The following TNRC6B variants were observed in gnomAD, a reference collection of about 807,000 sequenced individuals.
The protein encoded by TNRC6B is trinucleotide repeat containing adaptor 6B.
In TNRC6B, 52 loss-of-function variants were observed where a neutral mutation model predicts 203.6. That is an observed-to-expected ratio of 0.26 (90% CI 0.20 to 0.32). The LOEUF is 0.32. TNRC6B is among the 10% of genes least tolerant of loss of function. The pLI is 1.00. For synonymous variants in TNRC6B, 838 were observed against 845.7 expected, an observed-to-expected ratio of 0.99 and a Z score of 0.16; for missense variants, 1,923 against 2,286.2, an observed-to-expected ratio of 0.84 and a Z score of 3.24.
intron 1 of TNRC6B, among the ~76,000 whole-genome samples, chr22:40,052,172 AAGGGG>A (rs2067752065): frequency 6.6e-6 from 1 of 152,210 alleles, no homozygotes; most frequent in Non-Finnish European, 1.5e-5. Flanking sequence ...CCCAAGATCA[AAGGGG>A]GACCCTAAGA....
intron 1 of TNRC6B, among the ~76,000 whole-genome samples, chr22:40,231,696 C>T (rs551309527): frequency 6.6e-6 from 1 of 152,024 alleles, no homozygotes; most frequent in Non-Finnish European, 1.5e-5. Context: ...TATAGGGAAT[C>T]GAAGGTTCAC....
At chr22:40,061,982 G>A (rs1469222141) in intron 1 of TNRC6B, among the ~76,000 whole-genome samples, 1 of 152,072 alleles carries the variant, frequency 6.6e-6, no homozygotes, top group Non-Finnish European at 1.5e-5. Context: ...GCTGAGGCAG[G>A]AGAATCGCTT....
chr22:40,081,513 G>A (rs961564500), intron 1 of TNRC6B, among the ~76,000 whole-genome samples: 2 of 152,044 alleles, frequency 1.3e-5, no homozygotes, highest in Non-Finnish European at 2.9e-5. Context: ...ACCATAATAT[G>A]TATCTGCAAG....
At chr22:40,123,356 G>A (rs1040133345) in intron 2 of TNRC6B, among the ~76,000 whole-genome samples, 1 of 152,188 alleles carries the variant, frequency 6.6e-6, no homozygotes, top group Non-Finnish European at 1.5e-5. Flanking sequence ...GCTAGAAAGA[G>A]ACTTAAGAAA....
At chr22:40,284,418 G>A (rs1462964041) in intron 11 of TNRC6B, among the ~76,000 whole-genome samples, 1 of 152,188 alleles carries the variant, frequency 6.6e-6, no homozygotes, top group Non-Finnish European at 1.5e-5. Flanking sequence ...CCAGGGTTAT[G>A]ATAATGGTGG....
At chr22:40,289,929 A>C (rs1283418225) in intron 12 of TNRC6B, among the ~76,000 whole-genome samples, 1 of 152,212 alleles carries the variant, frequency 6.6e-6, no homozygotes, top group African/African-American at 2.4e-5. Context: ...TTCAGGCCAA[A>C]AACCTTGGAG....
rs1433841061 is a variant in TNRC6B at position 40,308,496 on chromosome 22, G to A, written c.4121-16G>A. 4 of 1,613,746 alleles carry A rather than the reference G, an allele frequency of 2.5e-6. No homozygotes were observed. Among genetic ancestry groups the A allele is most frequent in the Non-Finnish European group, 3.4e-6 (4 of 1,179,816 alleles). Reference sequence around the variant, plus strand: ...TGATGCTGGAGACTTATAAAATGTGGTCTTCTCCTTTTTAGGCTTCAGCTC... The same window carrying A: ...TGATGCTGGAGACTTATAAAATGTGATCTTCTCCTTTTTAGGCTTCAGCTC... On this transcript the variant is annotated splice_polypyrimidine_tract_variant and intron_variant, in intron 15 of 22. Coordinates refer to ENST00000454349, the MANE Select transcript of TNRC6B (RefSeq NM_001162501.2).
chr22:40,327,838 T>A lies in TNRC6B; in HGVS notation c.*4597T>A, dbSNP rs1197099396. Reference sequence around the variant, plus strand: ...TAAAAACATTTTGATTATGTTAATTTGAGCTTTCCCTTTTTTTTTTTTAAC... The same window carrying A: ...TAAAAACATTTTGATTATGTTAATTAGAGCTTTCCCTTTTTTTTTTTTAAC... On this transcript the variant is annotated 3_prime_UTR_variant, in exon 23 of 23. Transcript: ENST00000454349. The A allele has an allele frequency of 1.3e-5, 2 of 152,196 alleles. No individual in the cohort carries two copies. Among genetic ancestry groups the A allele is most frequent in the Non-Finnish European group, 2.9e-5 (2 of 68,028 alleles). The allele number at this position is 152,196 out of a possible 1,614,324, so 9.4% of individuals were successfully genotyped here.
intron 1 of TNRC6B, among the ~76,000 whole-genome samples, chr22:40,073,544 T>G (rs947163677): frequency 6.6e-6 from 1 of 152,074 alleles, no homozygotes; most frequent in African/African-American, 2.4e-5. Context: ...CACTAATTGT[T>G]AACTGAAGGA....
intron 1 of TNRC6B, among the ~76,000 whole-genome samples, chr22:40,102,952 C>G (rs2068252359): frequency 6.6e-6 from 1 of 152,068 alleles, no homozygotes; most frequent in Non-Finnish European, 1.5e-5. Flanking sequence ...TGGCACATGC[C>G]TGTAATCCCA....
At chr22:40,178,856 C>T (rs1181301482) in intron 1 of TNRC6B, among the ~76,000 whole-genome samples, 1 of 152,108 alleles carries the variant, frequency 6.6e-6, no homozygotes, top group Non-Finnish European at 1.5e-5. Context: ...TGGATTCAAC[C>T]AAAGGGTAGG....
intron 3 of TNRC6B, among the ~76,000 whole-genome samples, chr22:40,142,704 A>G (rs932215989): frequency 6.6e-6 from 1 of 152,184 alleles, no homozygotes; most frequent in East Asian, 1.9e-4. Context: ...TCTTTTTTTC[A>G]GAAGTCAAGC....
intron 1 of TNRC6B, among the ~76,000 whole-genome samples, chr22:40,056,326 C>G (rs1705307347): frequency 6.6e-6 from 1 of 152,104 alleles, no homozygotes; most frequent in Admixed American, 6.5e-5. Context: ...ACGGTAATGC[C>G]GATTTCTGCA....
chr22:40,190,753 G>A (rs1219446287), intron 1 of TNRC6B, among the ~76,000 whole-genome samples: 1 of 152,220 alleles, frequency 6.6e-6, no homozygotes, highest in Non-Finnish European at 1.5e-5. Flanking sequence ...TTTTCGAAGA[G>A]TGCTGGGGCA....
chr22:40,287,536 C>T (rs934534831), intron 12 of TNRC6B, among the ~76,000 whole-genome samples: 1 of 152,178 alleles, frequency 6.6e-6, no homozygotes, highest in South Asian at 2.1e-4. Flanking sequence ...CACCTCTCCT[C>T]TTCTTTCCCT....
At chr22:40,068,822 A>G (rs913834818) in intron 1 of TNRC6B, among the ~76,000 whole-genome samples, 3 of 151,594 alleles carry the variant, frequency 2.0e-5, no homozygotes, top group Non-Finnish European at 4.4e-5. Flanking sequence ...GGCCTGAAGT[A>G]GTCCTCCCTG....
At chr22:40,263,235 T>G (rs2070414626) in intron 4 of TNRC6B, among the ~76,000 whole-genome samples, 1 of 152,220 alleles carries the variant, frequency 6.6e-6, no homozygotes, top group African/African-American at 2.4e-5. Flanking sequence ...TTGTCACCAG[T>G]AGGATGCTTT....
intron 2 of TNRC6B, among the ~76,000 whole-genome samples, chr22:40,250,484 C>G (rs1263967853): frequency 2.0e-5 from 3 of 151,920 alleles, no homozygotes; most frequent in Admixed American, 6.6e-5. Flanking sequence ...AACAAAGCAC[C>G]CTTGATTTGT....
rs2071023512 is a variant in TNRC6B at position 40,301,558 on chromosome 22, C to G, written c.4120+225C>G. On this transcript the variant is annotated intron_variant, in intron 15 of 22. Coordinates refer to ENST00000454349, the MANE Select transcript of TNRC6B (RefSeq NM_001162501.2). Reference sequence around the variant, plus strand: ...TAGCAGAGCCAGGCCTCTAACTTCTCTGGCTCCAAAGCAGTCTTCCTTTTT... The same window carrying G: ...TAGCAGAGCCAGGCCTCTAACTTCTGTGGCTCCAAAGCAGTCTTCCTTTTT... 9.1e-6 allele frequency: 5 copies of G among 550,532 alleles called. No homozygotes were observed. The South Asian group carries it at 1.3e-4, about 14-fold the overall frequency. 34.1% of individuals were successfully genotyped at this position (550,532 alleles called of 1,614,324 possible).
Sources: gnomAD v4.1 joint callset for allele counts (sites outside exome capture counted in the v4.1 genomes callset) on GRCh38, gnomAD v4.1.1 for gene constraint, MANE v1.5 for transcripts, NCBI Gene and HGNC (gene_info 2026-07-23, HGNC 2026-07-21) for gene names.